The following CADPS2 variants were observed in gnomAD, a reference collection of about 807,000 sequenced individuals.
CADPS2 encodes the protein calcium-dependent secretion activator 2.
Under a neutral mutation model 172.5 loss-of-function variants are expected in CADPS2, and 93 were observed. That is an observed-to-expected ratio of 0.54 (90% CI 0.46 to 0.64). The LOEUF (loss-of-function observed/expected upper bound fraction) is 0.64. Among genes scored for constraint, CADPS2 ranks in the 30% least tolerant of loss-of-function variants. The pLI, the probability that CADPS2 is intolerant of heterozygous loss-of-function variation, is 0.00. For missense variants in CADPS2, 1,420 were observed against 1,565.9 expected (o/e 0.91, Z 1.57); for synonymous variants, 546 against 555.2 (o/e 0.98, Z 0.23).
At chr7:122,642,067 G>A (rs1254209858) in intron 3 of CADPS2, among the ~76,000 whole-genome samples, 1 of 151,900 alleles carries the variant, frequency 6.6e-6, no homozygotes. Flanking sequence ...ATCACTTGAG[G>A]TCAGGAGTTC....
At chr7:122,879,562 A>G (rs967686862) in intron 1 of CADPS2, among the ~76,000 whole-genome samples, 1 of 146,238 alleles carries the variant, frequency 6.8e-6, no homozygotes, top group Non-Finnish European at 1.5e-5. Context: ...ATAAAAAAAG[A>G]AAAGAAAAGA....
chr7:122,696,709 G>A (rs1256877758), intron 2 of CADPS2, among the ~76,000 whole-genome samples: 1 of 151,986 alleles, frequency 6.6e-6, no homozygotes, highest in African/African-American at 2.4e-5. Context: ...AATAAATTCT[G>A]GGCTAAAATT....
At chr7:122,797,817 C>T (rs1447329764) in intron 1 of CADPS2, among the ~76,000 whole-genome samples, 1 of 152,072 alleles carries the variant, frequency 6.6e-6, no homozygotes, top group African/African-American at 2.4e-5. Context: ...ACCTCCATGA[C>T]ACAATTACCT....
intron 2 of CADPS2, among the ~76,000 whole-genome samples, chr7:122,690,853 A>G (rs1457672718): frequency 6.6e-6 from 1 of 152,176 alleles, no homozygotes; most frequent in Non-Finnish European, 1.5e-5. Flanking sequence ...CAAACCATAT[A>G]GTGTCAGTAG....
At chr7:122,452,531 G>A (rs2053259924) in intron 14 of CADPS2, among the ~76,000 whole-genome samples, 2 of 152,104 alleles carry the variant, frequency 1.3e-5, no homozygotes, top group South Asian at 4.1e-4. Flanking sequence ...GAGCAGCTGG[G>A]ATTACAGGCA....
intron 2 of CADPS2, chr7:122,697,595 A>T: frequency 3.9e-6 from 2 of 514,728 alleles, no homozygotes; most frequent in Non-Finnish European, 6.8e-6. Flanking sequence ...ACACTTAGCA[A>T]AGGTCCAAAA....
chr7:122,698,234 C>T lies in CADPS2; in HGVS notation c.454-34665G>A, dbSNP rs929349795. 19 of 1,613,838 alleles carry T rather than the reference C, an allele frequency of 1.2e-5. No homozygotes were observed. The highest frequency in any genetic ancestry group is 1.6e-4 in the Middle Eastern group (1 of 6,082). On this transcript the variant is annotated intron_variant, in intron 2 of 29. Coordinates refer to ENST00000449022, the MANE Select transcript of CADPS2 (RefSeq NM_017954.11). ...AGTTGTCCAAATGTGTTCTGAAGATCTGTTGTTAATCGCTGCCATCTCCGG... is the reference window on the plus strand; with the variant it reads ...AGTTGTCCAAATGTGTTCTGAAGATTTGTTGTTAATCGCTGCCATCTCCGG...
chr7:122,508,827 C>T (rs1257829780), intron 9 of CADPS2, among the ~76,000 whole-genome samples: 1 of 152,108 alleles, frequency 6.6e-6, no homozygotes, highest in Admixed American at 6.6e-5. Context: ...GCAATGGCTA[C>T]TTGGCGACTT....
intron 2 of CADPS2, among the ~76,000 whole-genome samples, chr7:122,682,637 C>A (rs2135849961): frequency 6.6e-6 from 1 of 152,224 alleles, no homozygotes; most frequent in Admixed American, 6.5e-5. Flanking sequence ...TTACAGTATT[C>A]CAACTTCAAT....
chr7:122,577,690 G>A (rs1351263430), intron 7 of CADPS2, among the ~76,000 whole-genome samples: 3 of 152,036 alleles, frequency 2.0e-5, no homozygotes, highest in Non-Finnish European at 2.9e-5. Context: ...TACAATTTTT[G>A]GATTGTATAG....
intron 3 of CADPS2, among the ~76,000 whole-genome samples, chr7:122,650,201 C>T (rs2471190): frequency 0.52 from 78,145 of 150,912 alleles, 20,512 homozygotes; most frequent in East Asian, 0.72. Context: ...TGAGCTACTA[C>T]GCCCGGCCAA....
At chr7:122,755,059 TTTTG>T (rs1460254276) in intron 1 of CADPS2, among the ~76,000 whole-genome samples, 2 of 152,158 alleles carry the variant, frequency 1.3e-5, no homozygotes, top group African/African-American at 4.8e-5. Flanking sequence ...GCAGCTTCAT[TTTTG>T]TTTTTAAATG....
chr7:122,464,584 C>A (rs2054892348), intron 14 of CADPS2, among the ~76,000 whole-genome samples: 1 of 152,116 alleles, frequency 6.6e-6, no homozygotes. Context: ...ACCAGGATGT[C>A]ACGCGGATAT....
intron 27 of CADPS2, among the ~76,000 whole-genome samples, chr7:122,355,457 T>C (rs535422157): frequency 6.6e-5 from 10 of 152,012 alleles, no homozygotes; most frequent in Non-Finnish European, 1.0e-4. Context: ...TGCACATGCC[T>C]GTTTTCCCGG....
In CADPS2 at chr7:122,407,616, T is replaced by G; in HGVS notation, c.2670A>C (p.Ala890=). ...WALFTVDMDT[A]LEAQPQDSWD... ...AGGAGTCTTGCGGTTGAGCCTCTAG[T>G]GCAGTGTCCATATCCACTGTAAATA... The change falls in exon 20 of 30, where the codon GCA becomes GCC. Residue 890 remains alanine (A), a synonymous_variant. Transcript: ENST00000449022. 1 of 1,612,172 alleles carries G rather than the reference T, an allele frequency of 6.2e-7. No individual in the cohort carries two copies. Among genetic ancestry groups the G allele is most frequent in the South Asian group, 1.1e-5 (1 of 90,442 alleles).
At chr7:122,746,774 C>G (rs901086363) in intron 1 of CADPS2, among the ~76,000 whole-genome samples, 3 of 152,106 alleles carry the variant, frequency 2.0e-5, no homozygotes, top group African/African-American at 7.2e-5. Flanking sequence ...CCCTTACCCA[C>G]TGTTATATTC....
In CADPS2 at chr7:122,432,654, A is replaced by AG. The variant is rs1554519298; in HGVS notation, c.2476+5686_2476+5687insC. Among the ~76,000 whole-genome samples, 8 of 151,082 alleles carry AG rather than the reference A, an allele frequency of 5.3e-5. No homozygotes were observed. The East Asian group carries it at 7.8e-4, about 15-fold the overall frequency. ...AGACTCTGTTAAAATAAAAAAAAAAAAAAAAAAGAAAAAAAGAAAAGAAAA... is the reference window on the plus strand; with the variant it reads ...AGACTCTGTTAAAATAAAAAAAAAAAGAAAAAAAGAAAAAAAGAAAAGAAAA... On this transcript the variant is annotated intron_variant, in intron 17 of 29. Coordinates refer to ENST00000449022, the MANE Select transcript of CADPS2 (RefSeq NM_017954.11).
At chr7:122,589,612 T>C (rs992078800) in intron 6 of CADPS2, among the ~76,000 whole-genome samples, 1 of 151,890 alleles carries the variant, frequency 6.6e-6, no homozygotes, top group Non-Finnish European at 1.5e-5. Flanking sequence ...CATGGGAACA[T>C]GGGTGGCTGC....
chr7:122,678,052 G>A (rs1463187438), intron 2 of CADPS2, among the ~76,000 whole-genome samples: 1 of 152,144 alleles, frequency 6.6e-6, no homozygotes. Context: ...AATCTCTGTA[G>A]TGTCTAGTAT....
Sources: allele counts gnomAD v4.1 joint callset (sites outside exome capture counted in the v4.1 genomes callset), GRCh38; gene constraint gnomAD v4.1.1; transcripts MANE v1.5; gene names NCBI Gene and HGNC (gene_info 2026-07-23, HGNC 2026-07-21).